RSF1: variants seen among roughly 807,000 people sequenced by gnomAD.
RSF1 encodes remodeling and spacing factor 1.
Under a neutral mutation model 145.2 loss-of-function variants are expected in RSF1, and 13 were observed. The observed-to-expected ratio is 0.09, with a 90% CI of 0.06 to 0.14. The LOEUF (loss-of-function observed/expected upper bound fraction) is 0.14, where lower values mean the gene tolerates loss of function less well. Among genes scored for constraint, RSF1 ranks in the 10% least tolerant of loss-of-function variants. The pLI is 1.00. For synonymous variants in RSF1, 577 were observed against 592.6 expected (o/e 0.97, Z 0.38); for missense variants, 1,517 against 1,718.2 (o/e 0.88, Z 2.07).
At chr11:77,821,020 G>A (rs980977831), upstream of RSF1, 1 of 430,994 alleles carries the variant, frequency 2.3e-6, no homozygotes, top group African/African-American at 2.1e-5. Flanking sequence ...GAAAACAAGG[G>A]AAGCGGGGCG....
the RSF1 span, among the ~76,000 whole-genome samples, chr11:77,825,944 G>A: frequency 6.6e-6 from 1 of 151,800 alleles, no homozygotes. Flanking sequence ...TGCTCACCTC[G>A]GCCTCCCAAA....
chr11:77,749,989 C>T (rs1391467396), intron 2 of RSF1, among the ~76,000 whole-genome samples: 1 of 152,006 alleles, frequency 6.6e-6, no homozygotes, highest in Non-Finnish European at 1.5e-5. Flanking sequence ...CCTTGCGATT[C>T]GCCTGGCTTG....
chr11:77,726,507 T>C (rs1203642142), intron 4 of RSF1, among the ~76,000 whole-genome samples: 1 of 152,150 alleles, frequency 6.6e-6, no homozygotes, highest in Non-Finnish European at 1.5e-5. Context: ...AAAGGTGTGG[T>C]ATGGTTAATT....
chr11:77,681,725 C>CTATTTTAT (rs1959866584), intron 11 of RSF1, among the ~76,000 whole-genome samples: 1 of 152,184 alleles, frequency 6.6e-6, no homozygotes, highest in Non-Finnish European at 1.5e-5. Flanking sequence ...TATAATAAAA[C>CTATTTTAT]TATAGCCTTT....
intron 5 of RSF1, among the ~76,000 whole-genome samples, chr11:77,718,862 T>C (rs1960878384): frequency 6.6e-6 from 1 of 152,220 alleles, no homozygotes; most frequent in Non-Finnish European, 1.5e-5. Context: ...TACGTTAAGT[T>C]ATATTATTTT....
At chr11:77,822,444 A>G (rs996882560), upstream of RSF1, among the ~76,000 whole-genome samples, 1 of 150,440 alleles carries the variant, frequency 6.6e-6, no homozygotes, top group Non-Finnish European at 1.5e-5. Flanking sequence ...AAGAATTTGA[A>G]GCAAGGTACA....
Position 77,764,613 on chromosome 11 carries a change from T to C in RSF1, c.264A>G (p.Glu88=), listed in dbSNP as rs112704925. 4.8e-5 allele frequency: 77 copies of C among 1,593,570 alleles called. No individual in the cohort carries two copies. The African/African-American group carries it at 8.2e-4, about 17-fold the overall frequency. Residue 88 remains glutamate (E), a synonymous_variant, in exon 2 of 16, where the codon GAA becomes GAG. Transcript: ENST00000308488. The stretch of plus-strand genomic sequence containing the variant: ...TACTAGTTACCTTGATCAAATATTT[T>C]TCCCATCTGTCTGCAGTAACAGATT... ...IGKSVTADRW[E]KYLIKICQEF... is the part of the protein sequence containing the mutation.
intron 1 of RSF1, among the ~76,000 whole-genome samples, chr11:77,768,398 T>C (rs113333573): frequency 8.5e-5 from 13 of 152,246 alleles, no homozygotes; most frequent in African/African-American, 2.2e-4. Flanking sequence ...CCTGACCTCA[T>C]GATCTCCCGC....
At chr11:77,759,107 C>T (rs1259180241) in intron 2 of RSF1, among the ~76,000 whole-genome samples, 1 of 152,114 alleles carries the variant, frequency 6.6e-6, no homozygotes, top group Non-Finnish European at 1.5e-5. Context: ...GATCTATTTT[C>T]AGTGAATTTT....
At chr11:77,804,914 G>C in intron 1 of RSF1, among the ~76,000 whole-genome samples, 1 of 152,118 alleles carries the variant, frequency 6.6e-6, no homozygotes, top group Non-Finnish European at 1.5e-5. Context: ...AGATCAATCA[G>C]GAATCTCTTT....
At chr11:77,668,877 C>G (rs1429303721) in intron 15 of RSF1, among the ~76,000 whole-genome samples, 2 of 151,032 alleles carry the variant, frequency 1.3e-5, no homozygotes, top group Admixed American at 1.3e-4. Context: ...GAAGAACTCA[C>G]CTAGTCTCAC....
At chr11:77,679,478 G>C (rs1270602406) in intron 11 of RSF1, among the ~76,000 whole-genome samples, 1 of 152,028 alleles carries the variant, frequency 6.6e-6, no homozygotes, top group Non-Finnish European at 1.5e-5. Flanking sequence ...TTCAAGACCA[G>C]CTTGGGCAAC....
chr11:77,770,309 A>C (rs1432325077), intron 1 of RSF1, among the ~76,000 whole-genome samples: 1 of 152,156 alleles, frequency 6.6e-6, no homozygotes, highest in African/African-American at 2.4e-5. Flanking sequence ...AAAAATACAA[A>C]AAATTAGCCA....
intron 5 of RSF1, among the ~76,000 whole-genome samples, chr11:77,718,716 CA>C (rs1223661955): frequency 2.0e-5 from 3 of 152,136 alleles, no homozygotes; most frequent in Non-Finnish European, 4.4e-5. Context: ...GAGTCATTTG[CA>C]AGCCAGGAAA....
At chr11:77,729,923 A>AAAAAAAAAAAAC (rs1961160111) in intron 4 of RSF1, among the ~76,000 whole-genome samples, 1 of 144,792 alleles carries the variant, frequency 6.9e-6, no homozygotes, top group African/African-American at 2.5e-5. Context: ...AAAAAAAAAA[A>AAAAAAAAAAAAC]TTGTGGAGGC....
intron 4 of RSF1, chr11:77,735,132 G>A (rs1387828135): frequency 2.6e-5 from 19 of 727,378 alleles, no homozygotes; most frequent in Non-Finnish European, 4.6e-5. Flanking sequence ...GGTGAGGGAG[G>A]GCTGGCTATG....
At chr11:77,703,452 C>A (rs911787279) in intron 5 of RSF1, 1 of 152,108 alleles carries the variant, frequency 6.6e-6, no homozygotes. Context: ...TACTGAAAAA[C>A]CTAATTCTAA....
intron 3 of RSF1, among the ~76,000 whole-genome samples, chr11:77,742,078 G>A (rs1947946807): frequency 6.6e-6 from 1 of 152,130 alleles, no homozygotes; most frequent in South Asian, 2.1e-4. Flanking sequence ...CTGTATCTTG[G>A]TTATTGTGAT....
intron 1 of RSF1, among the ~76,000 whole-genome samples, chr11:77,811,721 A>C (rs1166251479): frequency 6.6e-6 from 1 of 152,214 alleles, no homozygotes; most frequent in Non-Finnish European, 1.5e-5. Context: ...TGAGAACAGA[A>C]AAGCAAGGTT....
Sources: gnomAD v4.1 joint callset for allele counts (sites outside exome capture counted in the v4.1 genomes callset) on GRCh38, gnomAD v4.1.1 for gene constraint, MANE v1.5 for transcripts, NCBI Gene and HGNC (gene_info 2026-07-23, HGNC 2026-07-21) for gene names.